TMEM131L: variants seen among roughly 807,000 people sequenced by gnomAD.
TMEM131L encodes the protein transmembrane 131 like.
In TMEM131L, 54 loss-of-function variants were observed where a neutral mutation model predicts 192.2. The ratio of observed to expected loss-of-function variants is 0.28; its 90% confidence interval spans 0.23 to 0.35. TMEM131L has a LOEUF of 0.35. Ranked by LOEUF, TMEM131L falls within the 10% of genes least tolerant of loss-of-function variation. TMEM131L has a pLI of 1.00. For synonymous variants in TMEM131L, 701 were observed against 704.9 expected, an observed-to-expected ratio of 0.99 and a Z score of 0.09; for missense variants, 1,888 against 1,972.9, an observed-to-expected ratio of 0.96 and a Z score of 0.82.
intron 3 of TMEM131L, among the ~76,000 whole-genome samples, chr4:153,505,938 T>C (rs1179208684): frequency 6.6e-6 from 1 of 152,158 alleles, no homozygotes; most frequent in African/African-American, 2.4e-5. Flanking sequence ...GTGTCCAGCA[T>C]GTGTCTCAGA....
intron 4 of TMEM131L, among the ~76,000 whole-genome samples, chr4:153,551,201 G>A (rs1176870245): frequency 6.6e-6 from 1 of 152,206 alleles, no homozygotes; most frequent in Non-Finnish European, 1.5e-5. Context: ...TGAGTGACAA[G>A]CAAAGTTTTG....
At position 153,604,165 on chromosome 4, in the gene TMEM131L, A is replaced by G; in HGVS notation, c.3153A>G (p.Lys1051=). Residue 1051 remains lysine, a synonymous_variant, in exon 25 of 35, where the codon AAA becomes AAG. Transcript: ENST00000409959. ...VNLQKNLTLP[K]NLLNKEENTL... ...TGCAGAAGAATTTAACCCTTCCCAA[A>G]AACTTACTGAATAAAGAAGAAAACA... is the stretch of plus-strand genomic sequence containing the variant. The G allele has an allele frequency of 6.2e-7, 1 of 1,614,162 alleles. No individual in the cohort carries two copies.
intron 31 of TMEM131L, 194 bp from the exon 32 acceptor site, chr4:153,632,524 C>A: frequency 1.7e-6 from 1 of 588,384 alleles, no homozygotes; most frequent in Non-Finnish European, 2.9e-6. Context: ...GACAATCGGA[C>A]ACTGTCTGAA....
chr4:153,508,506 G>C (rs1005057156), intron 3 of TMEM131L, among the ~76,000 whole-genome samples: 2 of 152,092 alleles, frequency 1.3e-5, no homozygotes, highest in Non-Finnish European at 2.9e-5. Context: ...AGCACCTGCT[G>C]GGTGCCAGGC....
At chr4:153,559,382 G>T (rs976923984) in intron 7 of TMEM131L, among the ~76,000 whole-genome samples, 1 of 152,126 alleles carries the variant, frequency 6.6e-6, no homozygotes, top group African/African-American at 2.4e-5. Flanking sequence ...AAACCAGGGG[G>T]CATGTGTTGA....
At chr4:153,527,336 G>A (rs1366110902) in intron 3 of TMEM131L, among the ~76,000 whole-genome samples, 2 of 152,038 alleles carry the variant, frequency 1.3e-5, no homozygotes, top group Non-Finnish European at 2.9e-5. Flanking sequence ...GCAGTGGTAC[G>A]ATCTCAGCTC....
chr4:153,580,748 A>G (rs530269635), intron 7 of TMEM131L, 78 bp from the exon 8 acceptor site: 285 of 791,626 alleles, frequency 3.6e-4, no homozygotes, highest in Admixed American at 7.2e-4. Flanking sequence ...GTTTCTGAAT[A>G]CTTGATAAAT....
chr4:153,631,880 C>T (rs1450304682), intron 31 of TMEM131L, among the ~76,000 whole-genome samples: 1 of 152,234 alleles, frequency 6.6e-6, no homozygotes, highest in South Asian at 2.1e-4. Flanking sequence ...TCCCCAGGCA[C>T]ACCTTGCTTC....
chr4:153,527,398 G>A (rs571243770), intron 3 of TMEM131L, among the ~76,000 whole-genome samples: 5 of 152,138 alleles, frequency 3.3e-5, no homozygotes, highest in East Asian at 1.9e-4. Flanking sequence ...TCATCCTCCC[G>A]AGTAGCTGAG....
chr4:153,622,079 C>T (rs896887154), intron 28 of TMEM131L, among the ~76,000 whole-genome samples: 3 of 152,198 alleles, frequency 2.0e-5, no homozygotes, highest in African/African-American at 7.2e-5. Context: ...TGGCCAGTCG[C>T]AACTATCCTC....
At chr4:153,574,997 T>C (rs993940397) in intron 7 of TMEM131L, among the ~76,000 whole-genome samples, 1 of 152,248 alleles carries the variant, frequency 6.6e-6, no homozygotes, top group Non-Finnish European at 1.5e-5. Context: ...TAAGTAATTC[T>C]TTCATATTTC....
At chr4:153,633,679 A>G (rs550793168) in intron 32 of TMEM131L, among the ~76,000 whole-genome samples, 1 of 152,292 alleles carries the variant, frequency 6.6e-6, no homozygotes, top group East Asian at 1.9e-4. Context: ...AATCCATTTG[A>G]TGGTTTTCTT....
intron 3 of TMEM131L, among the ~76,000 whole-genome samples, chr4:153,476,312 A>T (rs542843690): frequency 6.6e-6 from 1 of 152,338 alleles, no homozygotes; most frequent in African/African-American, 2.4e-5. Flanking sequence ...ACCTATGGTC[A>T]TAGGAAAAAT....
At position 153,621,803 on chromosome 4, in the gene TMEM131L, A is replaced by C. The variant is rs781316818; in HGVS notation, c.3813A>C (p.Ala1271=). ...IQESTREVCK[A]DAEIASSLPA... is the part of the protein sequence containing the mutation. Reference sequence around the variant, plus strand: ...AAAGCACTAGGGAGGTTTGTAAAGCAGATGCCGAAATTGCAAGCAGTTTAC... The same window carrying C: ...AAAGCACTAGGGAGGTTTGTAAAGCCGATGCCGAAATTGCAAGCAGTTTAC... The change falls in exon 28 of 35, where the codon GCA becomes GCC. Residue 1271 remains alanine (A), a synonymous_variant. Coordinates refer to ENST00000409959, the MANE Select transcript of TMEM131L (RefSeq NM_001131007.2). 5 of 1,614,208 alleles carry C rather than the reference A, an allele frequency of 3.1e-6. No individual in the cohort carries two copies. The highest frequency in any genetic ancestry group is 8.5e-7 in the Non-Finnish European group (1 of 1,180,024).
intron 9 of TMEM131L, 121 bp downstream of exon 9, chr4:153,581,681 A>G (rs2150737555): frequency 3.3e-6 from 2 of 603,804 alleles, no homozygotes; most frequent in East Asian, 6.8e-5. Flanking sequence ...TTTAATTATT[A>G]AGTGATTGTA....
intron 3 of TMEM131L, among the ~76,000 whole-genome samples, chr4:153,495,051 C>T (rs987374905): frequency 6.6e-6 from 1 of 152,184 alleles, no homozygotes; most frequent in Non-Finnish European, 1.5e-5. Context: ...CATGGTGGCT[C>T]ACGCCTGTAA....
chr4:153,499,073 A>G (rs1261288895), intron 3 of TMEM131L, among the ~76,000 whole-genome samples: 2 of 152,176 alleles, frequency 1.3e-5, no homozygotes, highest in Non-Finnish European at 2.9e-5. Flanking sequence ...ACAGCCTGTC[A>G]TTTTCCAAAA....
At chr4:153,617,374 T>G (rs1210689303) in intron 26 of TMEM131L, among the ~76,000 whole-genome samples, 2 of 152,204 alleles carry the variant, frequency 1.3e-5, no homozygotes, top group African/African-American at 4.8e-5. Flanking sequence ...AGGGATCAAC[T>G]GTGTAAAGCT....
chr4:153,516,974 G>A (rs1346499667), intron 3 of TMEM131L, among the ~76,000 whole-genome samples: 3 of 151,954 alleles, frequency 2.0e-5, no homozygotes, highest in South Asian at 4.2e-4. Flanking sequence ...TTACAGGTGC[G>A]CGCCACCATG....
Sources: allele counts gnomAD v4.1 joint callset (sites outside exome capture counted in the v4.1 genomes callset), GRCh38; gene constraint gnomAD v4.1.1; transcripts MANE v1.5; gene names NCBI Gene and HGNC (gene_info 2026-07-23, HGNC 2026-07-21).